The following ZC3H7A variants were observed in gnomAD, a reference collection of about 807,000 sequenced individuals.
ZC3H7A encodes the protein zinc finger CCCH domain-containing protein 7A.
In ZC3H7A, 44 loss-of-function variants were observed where a neutral mutation model predicts 125.5. The observed-to-expected ratio is 0.35, with a 90% confidence interval of 0.28 to 0.45. ZC3H7A has a LOEUF of 0.45. ZC3H7A is among the 20% of genes least tolerant of loss of function. The pLI, the probability that ZC3H7A is intolerant of heterozygous loss-of-function variation, is 1.00. For synonymous variants in ZC3H7A, 399 were observed against 391.2 expected (o/e 1.02, Z -0.23); for missense variants, 977 against 1,170.7 (o/e 0.83, Z 2.41).
intron 1 of ZC3H7A, among the ~76,000 whole-genome samples, chr16:11,794,060 G>A (rs2053395191): frequency 1.3e-5 from 2 of 152,182 alleles, no homozygotes; most frequent in East Asian, 1.9e-4. Context: ...GTGGTTCCCA[G>A]GAACATCTCA....
rs140410726 is a variant in ZC3H7A at position 11,762,888 on chromosome 16, G to A, written c.2003-141C>T. On this transcript the variant is annotated intron_variant, in intron 16 of 22. Coordinates refer to ENST00000355758, the MANE Select transcript of ZC3H7A (RefSeq NM_014153.4). ...ATCCATCAGCAAGGATGAATACCAC[G>A]TTTCTCTTTTTTGAAATGGAATATA... 2.2e-4 allele frequency: 150 copies of A among 687,880 alleles called. No homozygotes were observed. The African/African-American group carries it at 2.3e-3, about 11-fold the overall frequency. The allele number at this position is 687,880 out of a possible 1,614,324, so 42.6% of individuals were successfully genotyped here.
chr16:11,758,354 G>C lies in ZC3H7A; in HGVS notation c.2428+77C>G, dbSNP rs954244498. ...TGCAAACTGCTTTCTGTGTTCACAG[G>C]AAGCTGGCATATTTATAGAGAGGAA... On this transcript the variant is annotated intron_variant, in intron 20 of 22. Coordinates refer to ENST00000355758, the MANE Select transcript of ZC3H7A (RefSeq NM_014153.4). 1.0e-5 allele frequency: 11 copies of C among 1,055,634 alleles called. No homozygotes were observed. In the African/African-American group the frequency reaches 1.7e-4, roughly 17 times the overall value. The allele number at this position is 1,055,634 out of a possible 1,614,324, so 65.4% of individuals were successfully genotyped here. A position where few individuals can be genotyped will look rare whatever the true frequency, so the allele number is the denominator to read the frequency against.
intron 17 of ZC3H7A, 78 bp downstream of exon 17, chr16:11,762,593 G>T: frequency 7.5e-7 from 1 of 1,326,662 alleles, no homozygotes; most frequent in Non-Finnish European, 1.1e-6. Flanking sequence ...AGTGTTAACT[G>T]CATCCACCAA....
chr16:11,774,231 C>CT lies in ZC3H7A; in HGVS notation c.903+4dup. On this transcript the variant is annotated splice_donor_region_variant and intron_variant, in intron 9 of 22. Coordinates refer to ENST00000355758, the MANE Select transcript of ZC3H7A (RefSeq NM_014153.4). ...AGAAGAAACTTGAGTAACACTGAAACTTACCATAACAGTTTCATTAGTTTC... is the reference window on the plus strand; with the variant it reads ...AGAAGAAACTTGAGTAACACTGAAACTTTACCATAACAGTTTCATTAGTTTC... 6.4e-7 allele frequency: 1 copy of CT among 1,555,262 alleles called. No homozygotes were observed.
chr16:11,762,805 T>C, intron 16 of ZC3H7A, 58 bp from the exon 17 acceptor site: 1 of 1,559,942 alleles, frequency 6.4e-7, no homozygotes, highest in Non-Finnish European at 8.8e-7. Flanking sequence ...AGCCCACCAA[T>C]CTGGGTGCAG....
At chr16:11,785,777 G>A (rs1243283562) in intron 1 of ZC3H7A, among the ~76,000 whole-genome samples, 2 of 152,048 alleles carry the variant, frequency 1.3e-5, no homozygotes, top group Non-Finnish European at 2.9e-5. Flanking sequence ...CCGCCACCAC[G>A]CCCGGCTACT....
intron 2 of ZC3H7A, among the ~76,000 whole-genome samples, chr16:11,781,989 T>C (rs570741788): frequency 2.6e-5 from 4 of 152,304 alleles, no homozygotes; most frequent in African/African-American, 9.6e-5. Context: ...CAGATGTTCA[T>C]TTTCAGTCAC....
intron 1 of ZC3H7A, among the ~76,000 whole-genome samples, chr16:11,789,044 A>C (rs892983433): frequency 1.2e-4 from 18 of 152,162 alleles, no homozygotes; most frequent in African/African-American, 4.3e-4. Context: ...CCACACACAC[A>C]CAAGTGCTGC....
chr16:11,767,624 A>G, intron 12 of ZC3H7A, 46 bp from the exon 13 acceptor site: 2 of 1,470,250 alleles, frequency 1.4e-6, no homozygotes, highest in Non-Finnish European at 9.1e-7. Flanking sequence ...AAAAAATATC[A>G]TTTCATTTTA....
chr16:11,790,255 G>C (rs1043213252), intron 1 of ZC3H7A, among the ~76,000 whole-genome samples: 4 of 152,102 alleles, frequency 2.6e-5, no homozygotes, highest in Admixed American at 2.0e-4. Context: ...AACCAAAAAA[G>C]TGAGAAACAG....
intron 1 of ZC3H7A, among the ~76,000 whole-genome samples, chr16:11,795,816 TTTTA>T (rs1402915639): frequency 6.6e-6 from 1 of 152,162 alleles, no homozygotes; most frequent in Non-Finnish European, 1.5e-5. Context: ...ACTTTTGTTT[TTTTA>T]TTTGTTTGTT....
chr16:11,759,764 C>A (rs2141165076), intron 19 of ZC3H7A: 1 of 152,284 alleles, frequency 6.6e-6, no homozygotes, highest in South Asian at 2.1e-4. Context: ...TGTCTTTAAG[C>A]CTCACCACAC....
At chr16:11,789,557 CA>C (rs2053316370) in intron 1 of ZC3H7A, among the ~76,000 whole-genome samples, 2 of 152,094 alleles carry the variant, frequency 1.3e-5, no homozygotes, top group Admixed American at 6.6e-5. Flanking sequence ...CCCGGCCGTG[CA>C]TATGTTCTTT....
chr16:11,790,984 G>T (rs1264443197), intron 1 of ZC3H7A, among the ~76,000 whole-genome samples: 3 of 151,560 alleles, frequency 2.0e-5, no homozygotes, highest in Non-Finnish European at 2.9e-5. Context: ...AAGGGAGGAA[G>T]ATCGCTTAAG....
intron 9 of ZC3H7A, among the ~76,000 whole-genome samples, chr16:11,772,332 C>A (rs1468855945): frequency 6.6e-6 from 1 of 151,676 alleles, no homozygotes; most frequent in Non-Finnish European, 1.5e-5. Flanking sequence ...TGTGAACTTA[C>A]AACTGGACAA....
chr16:11,762,414 G>A (rs1356131759), intron 17 of ZC3H7A, among the ~76,000 whole-genome samples: 1 of 152,042 alleles, frequency 6.6e-6, no homozygotes, highest in Non-Finnish European at 1.5e-5. Context: ...GTAAAGCCCA[G>A]AACTCCAGTT....
chr16:11,774,444 C>A lies in ZC3H7A; in HGVS notation c.695G>T (p.Ser232Ile), dbSNP rs2053045682. The A allele has an allele frequency of 4.4e-6, 7 of 1,596,988 alleles. No homozygotes were observed. Among genetic ancestry groups the A allele is most frequent in the Non-Finnish European group, 6.0e-6 (7 of 1,169,602 alleles). The change falls in exon 9 of 23, where the codon AGT (serine) becomes ATT (isoleucine). Residue 232 changes from serine (S) to isoleucine (I), a missense_variant. Physicochemically the swap from Ser to Ile is moderately radical, Grantham distance 142 (BLOSUM62 -2). Around this residue, in one of 3 missense-constraint regions of ZC3H7A, gnomAD observed 342 missense variants for 311.3 expected, o/e 1.10. Transcript: ENST00000355758. ...CATAACAGGAACTGAGGCCAGCTCA[C>A]TTCCAACTTCATGAGAAAAACTGGG... ...PAPSFSHEVG[S>I]ELASVPVMPL...
chr16:11,791,484 T>A (rs944406930), intron 1 of ZC3H7A, among the ~76,000 whole-genome samples: 1 of 152,128 alleles, frequency 6.6e-6, no homozygotes, highest in Non-Finnish European at 1.5e-5. Context: ...GTCTCACCCC[T>A]CTTATTCACT....
chr16:11,752,121 G>T (rs2052564224), intron 22 of ZC3H7A, among the ~76,000 whole-genome samples: 1 of 151,728 alleles, frequency 6.6e-6, no homozygotes, highest in Non-Finnish European at 1.5e-5. Context: ...GTCCAGGCTG[G>T]TCTCGAACTC....
Sources: allele counts gnomAD v4.1 joint callset (sites outside exome capture counted in the v4.1 genomes callset), GRCh38; gene constraint gnomAD v4.1.1; regional missense constraint gnomAD v4.1.1; transcripts MANE v1.5; gene names NCBI Gene and HGNC (gene_info 2026-07-23, HGNC 2026-07-21).